LINGO1: variants seen among roughly 807,000 people sequenced by gnomAD.
LINGO1 encodes leucine-rich repeat and immunoglobulin-like domain-containing nogo receptor-interacting protein 1.
LINGO1 carries 11 observed loss-of-function variants against 37.3 expected under a neutral mutation model. That is an observed-to-expected ratio of 0.29 (90% CI 0.19 to 0.49). LINGO1 has a LOEUF of 0.49. Among genes scored for constraint, LINGO1 ranks in the 20% least tolerant of loss-of-function variants. LINGO1 has a pLI of 0.99. For missense variants in LINGO1, 585 were observed against 878.2 expected, an observed-to-expected ratio of 0.67 and a Z score of 4.22; for synonymous variants, 387 against 403.0, an observed-to-expected ratio of 0.96 and a Z score of 0.48.
chr15:77,750,673 G>A (rs76253314), intron 1 of LINGO1, among the ~76,000 whole-genome samples: 4,210 of 152,284 alleles, frequency 0.028, 184 homozygotes, highest in African/African-American at 0.095. Context: ...AGCCTACTAT[G>A]AGCCAGACAC....
Position 77,614,590 on chromosome 15 carries a change from G to A in LINGO1, c.1317C>T (p.Gly439=). 6.2e-7 allele frequency: 1 copy of A among 1,610,890 alleles called. No individual in the cohort carries two copies. Among genetic ancestry groups the A allele is most frequent in the Non-Finnish European group, 8.5e-7 (1 of 1,178,944 alleles). ...RKAQQVFVDE[G]HTVQFVCRAD... is the part of the protein sequence containing the mutation. ...CCCGGCACACAAACTGCACCGTGTG[G>A]CCCTCGTCCACAAACACCTGCTGGG... is the stretch of plus-strand genomic sequence containing the variant. The change falls in exon 2 of 2, where the codon GGC becomes GGT. Residue 439 remains glycine (G), a synonymous_variant. Coordinates refer to ENST00000355300, the MANE Select transcript of LINGO1 (RefSeq NM_032808.7).
rs555075945 is a variant in LINGO1 at position 77,678,349 on chromosome 15, T to C, written c.-98-1175A>G. Among the ~76,000 whole-genome samples, 8 of 152,308 alleles carry C rather than the reference T, an allele frequency of 5.3e-5. No homozygotes were observed. The South Asian group carries it at 1.5e-3, about 28-fold the overall frequency. ...TTTGTAGTCAACTCCTCCCAGCCCC[T>C]ACCCCTGGCAACCACTGATCTGTTT... On this transcript the variant is annotated intron_variant, in intron 2 of 3. Coordinates refer to the LINGO1 transcript ENST00000559893.
chr15:77,819,485 C>T (rs1279655613), intron 1 of LINGO1: 1 of 151,642 alleles, frequency 6.6e-6, no homozygotes, highest in East Asian at 1.9e-4. Context: ...CCCGGCTCCC[C>T]TGCGCGTCCC....
At chr15:77,619,898 C>G (rs775341598) in intron 1 of LINGO1, among the ~76,000 whole-genome samples, 1 of 152,164 alleles carries the variant, frequency 6.6e-6, no homozygotes, top group Non-Finnish European at 1.5e-5. Flanking sequence ...TCATCTCATG[C>G]CTCTTACATG....
rs77251372 is a variant in LINGO1, at chr15:77,749,796, G to A, written c.-256-14743C>T. On this transcript the variant is annotated intron_variant, in intron 1 of 3. Transcript: ENST00000561686. Reference sequence around the variant, plus strand: ...AGAGTTAGTCAAACATCTTCTCTCTGCCAATAAGCTGAGGGCTGGCTGGGC... The same window carrying A: ...AGAGTTAGTCAAACATCTTCTCTCTACCAATAAGCTGAGGGCTGGCTGGGC... 5.0e-3 allele frequency among the ~76,000 whole-genome samples: 764 copies of A among 152,332 alleles called. 6 individuals are homozygous for A. Among genetic ancestry groups the A allele is most frequent in the African/African-American group, 0.017 (705 of 41,562 alleles).
At chr15:77,765,414 C>CAAA (rs770527152) in intron 1 of LINGO1, among the ~76,000 whole-genome samples, 1 of 108,506 alleles carries the variant, frequency 9.2e-6, no homozygotes. Context: ...GACTGTGTCT[C>CAAA]AAAAAAAAAA....
intron 2 of LINGO1, among the ~76,000 whole-genome samples, chr15:77,723,418 G>A (rs138811307): frequency 6.6e-6 from 1 of 152,194 alleles, no homozygotes; most frequent in Non-Finnish European, 1.5e-5. Context: ...GATGAAGGCG[G>A]TGGATAATTA....
At chr15:77,725,869 C>A (rs553795742) in intron 2 of LINGO1, among the ~76,000 whole-genome samples, 1 of 152,338 alleles carries the variant, frequency 6.6e-6, no homozygotes, top group East Asian at 1.9e-4. Flanking sequence ...CAGCATAGCA[C>A]GCCCAGGGAG....
chr15:77,616,027 G>T (rs1195010202), intron 1 of LINGO1, 127 bp from the exon 2 acceptor site: 5 of 626,286 alleles, frequency 8.0e-6, no homozygotes, highest in Non-Finnish European at 1.3e-5. Context: ...AGAGAGGCAG[G>T]GTCCAGATGC....
intron 3 of LINGO1, chr15:77,646,516 G>A (rs1011169543): frequency 6.7e-6 from 3 of 449,542 alleles, no homozygotes; most frequent in East Asian, 1.4e-4. Flanking sequence ...AATACGGTAA[G>A]TCTGTAAGCA....
chr15:77,767,922 C>G (rs147292505), intron 1 of LINGO1, among the ~76,000 whole-genome samples: 40 of 152,234 alleles, frequency 2.6e-4, no homozygotes, highest in Middle Eastern at 6.8e-3. Context: ...AAAGGAAAAC[C>G]AAAAAGCAGC....
In LINGO1 at chr15:77,613,997, C is replaced by T. The variant is rs1235260499; in HGVS notation, c.*47G>A. ...AGAGTGAGCAGGTGGCGGCCAGGCC[C>T]CTTCCCCTGCCCGGCCGCCCGGGGG... On this transcript the variant is annotated 3_prime_UTR_variant, in exon 2 of 2. Transcript: ENST00000355300. 1 of 1,482,746 alleles carries T rather than the reference C, an allele frequency of 6.7e-7. No homozygotes were observed. The highest frequency in any genetic ancestry group is 9.1e-7 in the Non-Finnish European group (1 of 1,099,202). 91.8% of individuals were successfully genotyped at this position (1,482,746 alleles called of 1,614,324 possible).
upstream of LINGO1, among the ~76,000 whole-genome samples, chr15:77,636,246 C>A: frequency 6.6e-6 from 1 of 152,270 alleles, no homozygotes; most frequent in South Asian, 2.1e-4. Flanking sequence ...GACCAAGGGT[C>A]CCCCAGGCAC....
intron 1 of LINGO1, among the ~76,000 whole-genome samples, chr15:77,743,056 C>T (rs1261049680): frequency 6.6e-6 from 1 of 152,204 alleles, no homozygotes; most frequent in Admixed American, 6.5e-5. Flanking sequence ...TGAGAAGAAT[C>T]TGGTGAGGAA....
chr15:77,626,973 C>CCCCCCCCCCCCCCCCCCCCCG (rs2074111424), intron 1 of LINGO1, among the ~76,000 whole-genome samples: 1 of 135,250 alleles, frequency 7.4e-6, no homozygotes, highest in Admixed American at 7.2e-5. Flanking sequence ...ACCCCCCATC[C>CCCCCCCCCCCCCCCCCCCCCG]GCAGCCCTGC....
At chr15:77,670,512 C>T (rs552499807) in intron 3 of LINGO1, among the ~76,000 whole-genome samples, 18 of 152,304 alleles carry the variant, frequency 1.2e-4, no homozygotes, top group African/African-American at 4.3e-4. Flanking sequence ...ACCCGAGGCA[C>T]AGCCGTGGTC....
chr15:77,818,932 G>T lies in LINGO1; in HGVS notation c.-458+1326C>A, dbSNP rs527646951. ...CGCGTTCTCTTCTCTGGAAAGGAAG[G>T]CCGGAGTTGCACCCTCAAAGCGCCT... On this transcript the variant is annotated intron_variant, in intron 1 of 5. Coordinates refer to the LINGO1 transcript ENST00000562933. Among the ~76,000 whole-genome samples the T allele has an allele frequency of 1.2e-3, 188 of 151,734 alleles. 1 individual carries two copies. Among genetic ancestry groups the T allele is most frequent in the African/African-American group, 4.4e-3 (181 of 41,386 alleles).
At chr15:77,652,221 C>T (rs1160422300) in intron 3 of LINGO1, 1 of 152,110 alleles carries the variant, frequency 6.6e-6, no homozygotes, top group Non-Finnish European at 1.5e-5. Flanking sequence ...CACAGGGCCA[C>T]CCTAGGGATC....
intron 2 of LINGO1, among the ~76,000 whole-genome samples, chr15:77,679,153 G>A (rs1329796767): frequency 2.0e-5 from 3 of 152,084 alleles, no homozygotes; most frequent in South Asian, 2.1e-4. Context: ...CACCCACGTC[G>A]GCCTCCCAAA....
Sources: allele counts gnomAD v4.1 joint callset (sites outside exome capture counted in the v4.1 genomes callset), GRCh38; gene constraint gnomAD v4.1.1; transcripts MANE v1.5; gene names NCBI Gene and HGNC (gene_info 2026-07-23, HGNC 2026-07-21).